The following NELL1 variants were observed in gnomAD, a reference collection of about 807,000 sequenced individuals.
NELL1 encodes the protein protein kinase C-binding protein NELL1.
A neutral mutation model predicts 107.4 loss-of-function variants in NELL1; 76 were observed. The ratio of observed to expected loss-of-function variants is 0.71; its 90% CI spans 0.59 to 0.86. The LOEUF is 0.86. Among genes scored for constraint, NELL1 ranks in the 40% least tolerant of loss-of-function variants. The pLI, the probability that NELL1 is intolerant of heterozygous loss-of-function variation, is 0.00. For synonymous variants in NELL1, 353 were observed against 341.2 expected, an observed-to-expected ratio of 1.03 and a Z score of -0.38; for missense variants, 1,024 against 1,005.5, an observed-to-expected ratio of 1.02 and a Z score of -0.25.
intron 14 of NELL1, among the ~76,000 whole-genome samples, chr11:21,364,411 A>AG (rs1851165505): frequency 3.4e-4 from 3 of 8,756 alleles, no homozygotes; most frequent in Non-Finnish European, 7.3e-4. Flanking sequence ...ACTCTGTCTC[A>AG]AAAAAAAAAA....
intron 15 of NELL1, among the ~76,000 whole-genome samples, chr11:21,524,235 C>T (rs142616892): frequency 6.6e-6 from 1 of 152,162 alleles, no homozygotes; most frequent in African/African-American, 2.4e-5. Context: ...TGTACACCTC[C>T]ATTTTCAGTA....
At chr11:20,789,749 C>T (rs1414195252) in intron 3 of NELL1, among the ~76,000 whole-genome samples, 2 of 152,188 alleles carry the variant, frequency 1.3e-5, no homozygotes, top group African/African-American at 4.8e-5. Context: ...TAGCTCCTTT[C>T]CTCAGCCAGG....
chr11:21,551,898 CAAT>C (rs1411468118), intron 16 of NELL1, among the ~76,000 whole-genome samples: 14 of 148,084 alleles, frequency 9.5e-5, no homozygotes, highest in African/African-American at 3.0e-4. Context: ...AAATGTCCAA[CAAT>C]GATAGACTGG....
chr11:21,119,409 A>G (rs1323888420), intron 13 of NELL1, among the ~76,000 whole-genome samples: 2 of 151,358 alleles, frequency 1.3e-5, no homozygotes, highest in East Asian at 3.9e-4. Flanking sequence ...AAAGGATTAT[A>G]TATATGGGAT....
intron 12 of NELL1, among the ~76,000 whole-genome samples, chr11:21,000,594 C>A (rs1852195443): frequency 6.6e-6 from 1 of 152,176 alleles, no homozygotes; most frequent in African/African-American, 2.4e-5. Context: ...AGTGAGGAGA[C>A]TCCATGGAAA....
chr11:21,395,174 A>G (rs549557815), intron 15 of NELL1, among the ~76,000 whole-genome samples: 6 of 151,674 alleles, frequency 4.0e-5, no homozygotes, highest in African/African-American at 1.4e-4. Flanking sequence ...GCAACAAGTT[A>G]GGAAGGAGAA....
At chr11:21,312,605 C>G (rs1325134276) in intron 14 of NELL1, among the ~76,000 whole-genome samples, 1 of 152,002 alleles carries the variant, frequency 6.6e-6, no homozygotes, top group Non-Finnish European at 1.5e-5. Flanking sequence ...GACTAGCACA[C>G]AGAAGGTTAG....
chr11:20,885,153 C>T lies in NELL1; in HGVS notation c.507-291C>T, dbSNP rs572709710. ...GCTTTCGCACCTATAACATGCGTATCAAACCACTTTCCCCACAGAGTTTGT... is the reference window on the plus strand; with the variant it reads ...GCTTTCGCACCTATAACATGCGTATTAAACCACTTTCCCCACAGAGTTTGT... On this transcript the variant is annotated intron_variant, in intron 4 of 19. Transcript: ENST00000357134. 6.6e-5 allele frequency among the ~76,000 whole-genome samples: 10 copies of T among 152,306 alleles called. No homozygotes were observed. The South Asian group carries it at 2.1e-3, about 32-fold the overall frequency.
At chr11:21,455,932 A>T (rs921766848) in intron 15 of NELL1, among the ~76,000 whole-genome samples, 2 of 148,232 alleles carry the variant, frequency 1.3e-5, no homozygotes, top group African/African-American at 5.0e-5. Flanking sequence ...TTTGTCGCCC[A>T]TGCTGGAGTG....
At chr11:21,155,461 G>A (rs894374232) in intron 13 of NELL1, among the ~76,000 whole-genome samples, 1 of 152,142 alleles carries the variant, frequency 6.6e-6, no homozygotes, top group Non-Finnish European at 1.5e-5. Flanking sequence ...AGGTAAATCA[G>A]TGTTTAAGGA....
chr11:20,703,231 G>A (rs1854844748), intron 2 of NELL1, among the ~76,000 whole-genome samples: 1 of 152,160 alleles, frequency 6.6e-6, no homozygotes, highest in South Asian at 2.1e-4. Flanking sequence ...AGTGTTGGGA[G>A]GGTGTATGTG....
intron 14 of NELL1, among the ~76,000 whole-genome samples, chr11:21,265,746 G>C (rs1848621943): frequency 6.6e-6 from 1 of 151,856 alleles, no homozygotes; most frequent in Admixed American, 6.6e-5. Context: ...AAACTTTACT[G>C]TCTCTCTCTC....
At chr11:20,967,074 G>T (rs1248836127) in intron 12 of NELL1, among the ~76,000 whole-genome samples, 3 of 151,844 alleles carry the variant, frequency 2.0e-5, no homozygotes, top group Admixed American at 6.6e-5. Context: ...TTTTTACCAC[G>T]CTTCATGCTT....
rs139401825 is a variant in NELL1 at position 20,718,907 on chromosome 11, C to T, written c.184+40847C>T. 6.6e-5 allele frequency among the ~76,000 whole-genome samples: 10 copies of T among 152,238 alleles called. No homozygotes were observed. In the East Asian group the frequency reaches 1.7e-3, roughly 26 times the overall value. ...CTAGTACCAAGGGCTGATTTCTTTA[C>T]GTGTTCATTATGGGACATCTGGGAC... On this transcript the variant is annotated intron_variant, in intron 2 of 19. Coordinates refer to ENST00000357134, the MANE Select transcript of NELL1 (RefSeq NM_006157.5).
chr11:21,003,026 C>CT (rs1852257242), intron 12 of NELL1, among the ~76,000 whole-genome samples: 1 of 152,010 alleles, frequency 6.6e-6, no homozygotes, highest in African/African-American at 2.4e-5. Context: ...GAATTGATTT[C>CT]TTTTTTGTAT....
chr11:21,004,067 T>G (rs1728732742), intron 12 of NELL1, among the ~76,000 whole-genome samples: 1 of 152,188 alleles, frequency 6.6e-6, no homozygotes, highest in African/African-American at 2.4e-5. Context: ...ACTAATGCCC[T>G]TTGATCCATC....
chr11:20,739,407 TCAACA>T (rs1855836465), intron 2 of NELL1, among the ~76,000 whole-genome samples: 2 of 50,142 alleles, frequency 4.0e-5, no homozygotes, highest in African/African-American at 1.2e-4. Flanking sequence ...AGCCAAATGC[TCAACA>T]TTAAATGAAT....
At chr11:21,190,357 CA>C (rs1394214885) in intron 13 of NELL1, among the ~76,000 whole-genome samples, 2 of 151,536 alleles carry the variant, frequency 1.3e-5, no homozygotes, top group East Asian at 3.9e-4. Flanking sequence ...GTCTCCAAAA[CA>C]AAAAACAAAC....
At chr11:20,900,341 C>G (rs559432107) in intron 5 of NELL1, among the ~76,000 whole-genome samples, 3 of 152,276 alleles carry the variant, frequency 2.0e-5, no homozygotes, top group African/African-American at 4.8e-5. Flanking sequence ...TTGGCCAAAG[C>G]AAGTTACAAG....
Sources: allele counts gnomAD v4.1 joint callset (sites outside exome capture counted in the v4.1 genomes callset), GRCh38; gene constraint gnomAD v4.1.1; transcripts MANE v1.5; gene names NCBI Gene and HGNC (gene_info 2026-07-23, HGNC 2026-07-21).